The following SCD variants were observed in gnomAD, a reference collection of about 807,000 sequenced individuals.
SCD encodes acyl-CoA desaturase.
Under a neutral mutation model 35.7 loss-of-function variants are expected in SCD, and 4 were observed. That is an observed-to-expected ratio of 0.11 (90% CI 0.06 to 0.26). SCD has a LOEUF of 0.26. SCD is among the 10% of genes least tolerant of loss of function. The probability of loss-of-function intolerance (pLI) is 1.00; values close to 1 mark genes in which losing one functional copy is unlikely to be tolerated. For missense variants in SCD, 282 were observed against 460.7 expected, an observed-to-expected ratio of 0.61 and a Z score of 3.55; for synonymous variants, 150 against 170.2, an observed-to-expected ratio of 0.88 and a Z score of 0.92.
At chr10:100,350,698 C>T (rs1474802862) in intron 2 of SCD, among the ~76,000 whole-genome samples, 2 of 152,196 alleles carry the variant, frequency 1.3e-5, no homozygotes, top group African/African-American at 2.4e-5. Flanking sequence ...ATCTTATATA[C>T]GTTCTGAGTC....
Position 100,347,509 on chromosome 10 carries a change from C to G in SCD, c.5C>G (p.Pro2Arg). Residue 2 changes from proline (P) to arginine (R), a missense_variant, in exon 1 of 6, where the codon CCG (proline) becomes CGG (arginine). Pro to Arg is a moderately radical substitution (Grantham distance 103). Around this residue, in one of 2 missense-constraint regions of SCD, gnomAD observed 77 missense variants for 88.4 expected, o/e 0.87. Transcript: ENST00000370355. Reference sequence around the variant, plus strand: ...TCCCGGCATCCGAGAGCCAAGATGCCGGCCCACTTGCTGCAGGACGATGTG... The same window carrying G: ...TCCCGGCATCCGAGAGCCAAGATGCGGGCCCACTTGCTGCAGGACGATGTG... MPAHLLQDDISS... is the reference protein window; with the variant it reads MRAHLLQDDISS... 1 of 1,613,808 alleles carries G rather than the reference C, an allele frequency of 6.2e-7. No homozygotes were observed. Among genetic ancestry groups the G allele is most frequent in the East Asian group, 2.2e-5 (1 of 44,850 alleles).
In SCD at chr10:100,352,742, C is replaced by T. The variant is rs148856029; in HGVS notation, c.441+246C>T. 1.8e-3 allele frequency among the ~76,000 whole-genome samples: 281 copies of T among 152,316 alleles called. 2 individuals are homozygous for T. Among genetic ancestry groups the T allele is most frequent in the African/African-American group, 6.4e-3 (267 of 41,562 alleles). ...CTGATGTGTAGGAATATTTTTGATC[C>T]TAAGGTCCCTGTGTTGTCACACAAT... On this transcript the variant is annotated intron_variant, in intron 3 of 5. Coordinates refer to ENST00000370355, the MANE Select transcript of SCD (RefSeq NM_005063.5). This position sits in a 1 kb window ranked among gnomAD's most constrained non-coding sequence, Gnocchi z 4.2.
chr10:100,360,876 G>C lies in SCD; in HGVS notation c.1023G>C (p.Lys341Asn). The C allele has an allele frequency of 6.2e-7, 1 of 1,613,948 alleles. No individual in the cohort carries two copies. The highest frequency in any genetic ancestry group is 8.5e-7 in the Non-Finnish European group (1 of 1,179,876). Residue 341 changes from lysine to asparagine, a missense_variant, in exon 6 of 6, where the codon AAG becomes AAC. Lys to Asn is a moderately conservative substitution (Grantham distance 94). Around this residue, in one of 2 missense-constraint regions of SCD, gnomAD observed 205 missense variants for 372.3 expected, o/e 0.55. Coordinates refer to ENST00000370355, the MANE Select transcript of SCD (RefSeq NM_005063.5). ...CCTATGACCGGAAGAAAGTCTCCAA[G>C]GCCGCCATCTTGGCCAGGATTAAAA... ...GLAYDRKKVSKAAILARIKRT... is the reference protein window; with the variant it reads ...GLAYDRKKVSNAAILARIKRT...
At chr10:100,357,597 A>G (rs1282928941) in intron 5 of SCD, among the ~76,000 whole-genome samples, 1 of 152,092 alleles carries the variant, frequency 6.6e-6, no homozygotes, top group African/African-American at 2.4e-5. Flanking sequence ...GTTCCTGCTC[A>G]ATTCTCTAAT....
intron 1 of SCD, 60 bp downstream of exon 1, chr10:100,347,591 G>C: frequency 6.2e-7 from 1 of 1,603,754 alleles, no homozygotes; most frequent in Non-Finnish European, 8.5e-7. Flanking sequence ...GGCTTCCAGG[G>C]GACGGGTTGG....
At position 100,352,621 on chromosome 10, in the gene SCD, G is replaced by T; in HGVS notation, c.441+125G>T. 4.6e-6 allele frequency: 4 copies of T among 874,052 alleles called. No homozygotes were observed. Among genetic ancestry groups the T allele is most frequent in the Middle Eastern group, 2.6e-4 (1 of 3,890 alleles). 54.1% of individuals were successfully genotyped at this position (874,052 alleles called of 1,614,324 possible). On this transcript the variant is annotated intron_variant, in intron 3 of 5. Transcript: ENST00000370355. The surrounding 1 kb of genome is among the most constrained non-coding windows in gnomAD (Gnocchi z 4.2). The stretch of plus-strand genomic sequence containing the variant: ...CCATTTCACTTTCCTCTCTCCTGTA[G>T]TCACCTCAAGTTCCAGTTCAGTCCT...
rs1849880776 is a variant in SCD at position 100,352,322 on chromosome 10, A to C, written c.311-44A>C. 1 of 1,602,692 alleles carries C rather than the reference A, an allele frequency of 6.2e-7. No homozygotes were observed. Among genetic ancestry groups the C allele is most frequent in the African/African-American group, 1.3e-5 (1 of 74,700 alleles). On this transcript the variant is annotated intron_variant, in intron 2 of 5. Coordinates refer to ENST00000370355, the MANE Select transcript of SCD (RefSeq NM_005063.5). The surrounding 1 kb of genome is among the most constrained non-coding windows in gnomAD (Gnocchi z 4.2). The stretch of plus-strand genomic sequence containing the variant: ...GTCTCTGGCATCCTTTCCCAGATGG[A>C]ACTCACACTGATTGGTGACTCCCCC...
intron 5 of SCD, among the ~76,000 whole-genome samples, chr10:100,357,026 T>C (rs1849935355): frequency 6.6e-6 from 1 of 152,156 alleles, no homozygotes; most frequent in African/African-American, 2.4e-5. Flanking sequence ...CCAAATGCCA[T>C]GTATGCTCCG....
Position 100,363,985 on chromosome 10 carries a change from G to A in SCD, c.*3052G>A, listed in dbSNP as rs199575627. On this transcript the variant is annotated 3_prime_UTR_variant, in exon 6 of 6. Transcript: ENST00000370355. ...GCTGGTAGAAAAAGGGGCCTGAGTGGAGGATTATCAGTATCACGATTTGCA... is the reference window on the plus strand; with the variant it reads ...GCTGGTAGAAAAAGGGGCCTGAGTGAAGGATTATCAGTATCACGATTTGCA... 1 of 152,556 alleles carries A rather than the reference G, an allele frequency of 6.6e-6. No individual in the cohort carries two copies. The highest frequency in any genetic ancestry group is 1.5e-5 in the Non-Finnish European group (1 of 68,030). The allele number at this position is 152,556 out of a possible 1,614,324, so 9.5% of individuals were successfully genotyped here.
At chr10:100,359,911 G>C (rs1849972686) in intron 5 of SCD, among the ~76,000 whole-genome samples, 1 of 152,188 alleles carries the variant, frequency 6.6e-6, no homozygotes, top group Non-Finnish European at 1.5e-5. Flanking sequence ...GAATTTGTTT[G>C]TTTTCCTCCC....
rs548040002 is a variant in SCD, at chr10:100,358,177, T to A, written c.880+1413T>A. Among the ~76,000 whole-genome samples, 71 of 152,250 alleles carry A rather than the reference T, an allele frequency of 4.7e-4. 2 individuals carry two copies. In the South Asian group the frequency reaches 0.013, roughly 28 times the overall value. Reference sequence around the variant, plus strand: ...ACCATGCTTGGCTAATTTTTCTATTTTTTTGTAGAGACATGGTTTTGCCAT... The same window carrying A: ...ACCATGCTTGGCTAATTTTTCTATTATTTTGTAGAGACATGGTTTTGCCAT... On this transcript the variant is annotated intron_variant, in intron 5 of 5. Transcript: ENST00000370355.
intron 4 of SCD, among the ~76,000 whole-genome samples, chr10:100,355,720 T>G (rs1363278439): frequency 6.6e-6 from 1 of 151,936 alleles, no homozygotes; most frequent in Non-Finnish European, 1.5e-5. Context: ...GGAATGTCAG[T>G]GATGTAAAAG....
intron 1 of SCD, among the ~76,000 whole-genome samples, 183 bp from the exon 2 acceptor site, chr10:100,347,881 A>G (rs1392893955): frequency 4.6e-5 from 7 of 151,438 alleles, no homozygotes; most frequent in Admixed American, 4.6e-4. Flanking sequence ...CCCCTAATGT[A>G]TCTGTACAGT....
chr10:100,355,493 T>G (rs1849918984), intron 4 of SCD, among the ~76,000 whole-genome samples: 1 of 152,200 alleles, frequency 6.6e-6, no homozygotes, highest in South Asian at 2.1e-4. Context: ...TGTCGAGTCC[T>G]AAAAGCAGAC....
At chr10:100,348,495 T>G in intron 2 of SCD, 149 bp downstream of exon 2, 1 of 767,850 alleles carries the variant, frequency 1.3e-6, no homozygotes, top group Non-Finnish European at 2.1e-6. Flanking sequence ...TCAGGCCTAG[T>G]GGGCTGGGAA....
At chr10:100,348,477 T>C (rs939391599) in intron 2 of SCD, 131 bp downstream of exon 2, 2 of 920,156 alleles carry the variant, frequency 2.2e-6, no homozygotes, top group Non-Finnish European at 1.6e-6. Flanking sequence ...CATTTCTCTT[T>C]GGTTGCTTCA....
intron 5 of SCD, among the ~76,000 whole-genome samples, chr10:100,359,423 C>T (rs1314286130): frequency 6.6e-6 from 1 of 152,148 alleles, no homozygotes; most frequent in Non-Finnish European, 1.5e-5. Context: ...TACCCGTTGA[C>T]CCTCTTCTTT....
chr10:100,347,414 C>A lies in SCD; in HGVS notation c.-91C>A, dbSNP rs1171534100. 4 of 1,390,030 alleles carry A rather than the reference C, an allele frequency of 2.9e-6. No individual in the cohort carries two copies. The highest frequency in any genetic ancestry group is 1.2e-5 in the South Asian group (1 of 82,522). 86.1% of individuals were successfully genotyped at this position (1,390,030 alleles called of 1,614,324 possible). A position where few individuals can be genotyped will look rare whatever the true frequency, so the allele number is the denominator to read the frequency against. On this transcript the variant is annotated 5_prime_UTR_variant, in exon 1 of 6. Coordinates refer to ENST00000370355, the MANE Select transcript of SCD (RefSeq NM_005063.5). ...GGCGCCGCGGCTCAGCGCGTACCGG[C>A]GGGCTTCGAAACCGCAGTCCTCCGG...
At chr10:100,353,718 A>G (rs1237257668) in intron 3 of SCD, among the ~76,000 whole-genome samples, 1 of 152,236 alleles carries the variant, frequency 6.6e-6, no homozygotes, top group Non-Finnish European at 1.5e-5. Flanking sequence ...AGCAAGAGGA[A>G]GAAAGGAAAC....
Sources: allele counts gnomAD v4.1 joint callset (sites outside exome capture counted in the v4.1 genomes callset), GRCh38; gene constraint gnomAD v4.1.1; regional missense constraint gnomAD v4.1.1; non-coding constraint Gnocchi (gnomAD v3.1); transcripts MANE v1.5; gene names NCBI Gene and HGNC (gene_info 2026-07-23, HGNC 2026-07-21).